Variants in NTRK3 observed in about 807,000 individuals in gnomAD.
NTRK3 encodes neurotrophic receptor tyrosine kinase 3.
A neutral mutation model predicts 91.7 loss-of-function variants in NTRK3; 24 were observed. The observed-to-expected ratio is 0.26, with a 90% CI of 0.19 to 0.37. The LOEUF (loss-of-function observed/expected upper bound fraction) is 0.37, where lower values mean the gene tolerates loss of function less well. NTRK3 is among the 10% of genes least tolerant of loss of function. The pLI, the probability that NTRK3 is intolerant of heterozygous loss-of-function variation, is 1.00. For missense variants in NTRK3, 880 were observed against 1,068.9 expected, an observed-to-expected ratio of 0.82 and a Z score of 2.46; for synonymous variants, 483 against 404.0, an observed-to-expected ratio of 1.20 and a Z score of -2.34.
chr15:87,934,839 A>C (rs965058480), intron 15 of NTRK3, among the ~76,000 whole-genome samples: 1 of 152,192 alleles, frequency 6.6e-6, no homozygotes, highest in African/African-American at 2.4e-5. Flanking sequence ...AATGCCTCTA[A>C]GGTCATCAAG....
At chr15:88,211,520 A>G (rs1479635312) in intron 3 of NTRK3, among the ~76,000 whole-genome samples, 2 of 152,220 alleles carry the variant, frequency 1.3e-5, no homozygotes, top group Non-Finnish European at 2.9e-5. Context: ...TATTTTGGGT[A>G]TACACCCAGA....
chr15:88,156,877 C>T (rs370459553), intron 5 of NTRK3, among the ~76,000 whole-genome samples: 3 of 152,290 alleles, frequency 2.0e-5, no homozygotes, highest in African/African-American at 4.8e-5. Context: ...GAAAGTTCAA[C>T]GGAAGACCCA....
chr15:87,897,737 A>C (rs757196714), intron 17 of NTRK3, among the ~76,000 whole-genome samples: 1 of 152,234 alleles, frequency 6.6e-6, no homozygotes, highest in Admixed American at 6.5e-5. Context: ...AGACTTATTT[A>C]GCCAAAATAA....
exon 19 of NTRK3, chr15:87,871,151 A>G (rs2064819261): frequency 8.7e-6 from 2 of 231,058 alleles, no homozygotes; most frequent in Admixed American, 1.1e-4. Context: ...ACCCCAATCC[A>G]ACCTCCACAG....
chr15:88,104,646 C>T (rs1270625791), intron 13 of NTRK3, among the ~76,000 whole-genome samples: 1 of 152,182 alleles, frequency 6.6e-6, no homozygotes, highest in Non-Finnish European at 1.5e-5. Flanking sequence ...CTGCCCTCTC[C>T]CAGTCCTTTC....
In NTRK3 at chr15:88,240,589, G is replaced by T. The variant is rs992429794; in HGVS notation, c.248+15317C>A. On this transcript the variant is annotated intron_variant, in intron 3 of 18. Transcript: ENST00000394480. The surrounding 1 kb of genome is among the most constrained non-coding windows in gnomAD (Gnocchi z 4.9). Reference sequence around the variant, plus strand: ...AAATGGAAAGGGGTCTGTAATACAGGGCTGCCCCCCTGGCTCTGGAGACAA... The same window carrying T: ...AAATGGAAAGGGGTCTGTAATACAGTGCTGCCCCCCTGGCTCTGGAGACAA... Among the ~76,000 whole-genome samples, 2 of 152,168 alleles carry T rather than the reference G, an allele frequency of 1.3e-5. No homozygotes were observed. The highest frequency in any genetic ancestry group is 4.8e-5 in the African/African-American group (2 of 41,446).
chr15:87,859,759 T>C (rs1374155694), exon 19 of NTRK3: 1 of 173,268 alleles, frequency 5.8e-6, no homozygotes, highest in East Asian at 1.0e-4. Context: ...CATTGTTGTT[T>C]TATACTTTAT....
chr15:88,212,439 C>T (rs1206629156), intron 3 of NTRK3, among the ~76,000 whole-genome samples: 1 of 152,192 alleles, frequency 6.6e-6, no homozygotes, highest in Non-Finnish European at 1.5e-5. Flanking sequence ...TTCTTTAACA[C>T]GTGCCCATAG....
chr15:87,912,698 T>G (rs768426937), intron 17 of NTRK3, among the ~76,000 whole-genome samples: 23 of 151,868 alleles, frequency 1.5e-4, no homozygotes, highest in Non-Finnish European at 2.9e-4. Flanking sequence ...GACCTCCAAC[T>G]TCATTTCTAG....
intron 14 of NTRK3, among the ~76,000 whole-genome samples, chr15:87,967,746 T>C (rs2141249023): frequency 6.6e-6 from 1 of 152,332 alleles, no homozygotes; most frequent in South Asian, 2.1e-4. Flanking sequence ...CTCTGTTTTC[T>C]TATAATAGGT....
intron 14 of NTRK3, among the ~76,000 whole-genome samples, chr15:88,030,776 A>C (rs2078460797): frequency 6.6e-6 from 1 of 152,134 alleles, no homozygotes; most frequent in Non-Finnish European, 1.5e-5. Context: ...TTTAAAAAAA[A>C]ATCATTTATT....
At chr15:87,931,957 C>A (rs1462126637) in intron 16 of NTRK3, among the ~76,000 whole-genome samples, 1 of 152,174 alleles carries the variant, frequency 6.6e-6, no homozygotes, top group Non-Finnish European at 1.5e-5. Context: ...AGAGGCCACA[C>A]CCTAAGTATA....
chr15:88,253,048 A>G (rs2142039495), intron 3 of NTRK3: 1 of 152,440 alleles, frequency 6.6e-6, no homozygotes, highest in Non-Finnish European at 1.5e-5. Context: ...CAGCACTTGA[A>G]GGAAGGATCT....
chr15:87,928,878 T>C (rs1459614325), intron 17 of NTRK3: 3 of 552,012 alleles, frequency 5.4e-6, no homozygotes, highest in Non-Finnish European at 9.7e-6. Flanking sequence ...GGCACATACA[T>C]ATACATGTAT....
At chr15:87,871,559 A>T (rs901685181) in exon 19 of NTRK3, 4 of 230,150 alleles carry the variant, frequency 1.7e-5, no homozygotes, top group Non-Finnish European at 3.4e-5. Flanking sequence ...CTATCAGGCA[A>T]CCAGGAAGAA....
chr15:88,035,593 T>C (rs932206733), intron 13 of NTRK3, among the ~76,000 whole-genome samples: 7 of 152,206 alleles, frequency 4.6e-5, no homozygotes, highest in Non-Finnish European at 1.0e-4. Context: ...TGGCAAGCCC[T>C]ACCCACGCAC....
exon 7 of NTRK3, chr15:88,137,538 T>C (rs547862658): frequency 2.5e-6 from 4 of 1,614,048 alleles, no homozygotes; most frequent in South Asian, 1.1e-5. Context: ...ACAGCTGCAG[T>C]TGAAAAAGTT....
chr15:88,038,190 C>A (rs558525742), intron 13 of NTRK3, among the ~76,000 whole-genome samples: 1 of 152,254 alleles, frequency 6.6e-6, no homozygotes, highest in African/African-American at 2.4e-5. Context: ...TAGACTCACC[C>A]AGATAGATTA....
intron 14 of NTRK3, among the ~76,000 whole-genome samples, chr15:87,968,976 T>C (rs1164994584): frequency 2.0e-5 from 3 of 152,174 alleles, no homozygotes; most frequent in Admixed American, 2.0e-4. Flanking sequence ...ATTTAACCTT[T>C]TAACATTTCT....
Sources: gnomAD v4.1 joint callset for allele counts (sites outside exome capture counted in the v4.1 genomes callset) on GRCh38, gnomAD v4.1.1 for gene constraint, Gnocchi (gnomAD v3.1) non-coding constraint, MANE v1.5 for transcripts, NCBI Gene and HGNC (gene_info 2026-07-23, HGNC 2026-07-21) for gene names.